The following MYSM1 variants were observed in gnomAD, a reference collection of about 807,000 sequenced individuals.
The protein encoded by MYSM1 is Myb like, SWIRM and MPN domains 1.
A neutral mutation model predicts 116.0 loss-of-function variants in MYSM1; 51 were observed. That is an observed-to-expected ratio of 0.44 (90% CI 0.35 to 0.56). The LOEUF is 0.56. Among genes scored for constraint, MYSM1 ranks in the 20% least tolerant of loss-of-function variants. The probability of loss-of-function intolerance (pLI) is 0.00; values close to 1 mark genes in which losing one functional copy is unlikely to be tolerated. For missense variants in MYSM1, 900 were observed against 974.9 expected, an observed-to-expected ratio of 0.92 and a Z score of 1.02; for synonymous variants, 313 against 315.2, an observed-to-expected ratio of 0.99 and a Z score of 0.07.
At chr1:58,678,600 T>C (rs1336830578) in intron 8 of MYSM1, among the ~76,000 whole-genome samples, 1 of 152,160 alleles carries the variant, frequency 6.6e-6, no homozygotes, top group Non-Finnish European at 1.5e-5. Context: ...TGCCCTCATG[T>C]TGCCTGCATT....
Position 58,675,485 on chromosome 1 carries a change from G to A in MYSM1, c.1486C>T (p.Gln496Ter), listed in dbSNP as rs2100629319. The A allele has an allele frequency of 6.2e-7, 1 of 1,609,236 alleles. No homozygotes were observed. Among genetic ancestry groups the A allele is most frequent in the Non-Finnish European group, 8.5e-7 (1 of 1,176,854 alleles). ...VEAYQLAQRL[Q>*]SMRTRRRRVR... ...GAGAGATGACTGCTTACCATAGACTGCAGACGCTGGGCAAGTTGGTATGCT... is the reference window on the plus strand; with the variant it reads ...GAGAGATGACTGCTTACCATAGACTACAGACGCTGGGCAAGTTGGTATGCT... The change falls in exon 10 of 20, where the codon CAG becomes TAG. Residue 496 changes from glutamine to a stop codon, truncating the protein, a stop_gained. Transcript: ENST00000472487. LOFTEE classifies it high-confidence loss of function.
chr1:58,697,373 C>T (rs1644990891), intron 1 of MYSM1, among the ~76,000 whole-genome samples: 1 of 152,068 alleles, frequency 6.6e-6, no homozygotes, highest in African/African-American at 2.4e-5. Flanking sequence ...GGGTTGGTAA[C>T]AGATTCGGGA....
Position 58,667,028 on chromosome 1 carries a change from C to T in MYSM1, c.2031+10G>A. 1.9e-6 allele frequency: 3 copies of T among 1,559,330 alleles called. No individual in the cohort carries two copies. Among genetic ancestry groups the T allele is most frequent in the East Asian group, 2.3e-5 (1 of 44,074 alleles). On this transcript the variant is annotated intron_variant, in intron 16 of 19. Coordinates refer to ENST00000472487, the MANE Select transcript of MYSM1 (RefSeq NM_001085487.3). ...CAACCATTTACAGAATATAAATATACATGTAATACCTGGTATTTAGCTTGT... is the reference window on the plus strand; with the variant it reads ...CAACCATTTACAGAATATAAATATATATGTAATACCTGGTATTTAGCTTGT...
At chr1:58,688,881 C>T (rs1021283327) in intron 6 of MYSM1, among the ~76,000 whole-genome samples, 157 bp downstream of exon 6, 2 of 152,118 alleles carry the variant, frequency 1.3e-5, no homozygotes, top group African/African-American at 4.8e-5. Flanking sequence ...TTGCACTACA[C>T]TATAAACATC....
intron 17 of MYSM1, among the ~76,000 whole-genome samples, chr1:58,663,105 G>A (rs1422060202): frequency 1.3e-5 from 2 of 152,062 alleles, no homozygotes; most frequent in African/African-American, 4.8e-5. Context: ...GACTGCCCAA[G>A]GTAAAATAAG....
At chr1:58,699,804 C>A in intron 1 of MYSM1, 181 bp downstream of exon 1, 1 of 985,434 alleles carries the variant, frequency 1.0e-6, no homozygotes, top group East Asian at 1.1e-4. Context: ...AGGTAACCGC[C>A]CTGCCCGCTG....
rs542797184 is a variant in MYSM1, at chr1:58,700,038, C to T, written c.15G>A (p.Glu5=). 3.3e-4 allele frequency: 528 copies of T among 1,613,820 alleles called. 8 individuals carry two copies. In the South Asian group the frequency reaches 5.2e-3, roughly 16 times the overall value. The change falls in exon 1 of 20, where the codon GAG becomes GAA. Residue 5 remains glutamate (E), a synonymous_variant. Coordinates refer to ENST00000472487, the MANE Select transcript of MYSM1 (RefSeq NM_001085487.3). ...CGTCCCCTTCGATATCCACATCCGC[C>T]TCTTCAGCCGCCATGATGGGACCTG... is the stretch of plus-strand genomic sequence containing the variant. MAAE[E]ADVDIEGDVV...
chr1:58,677,199 C>G, intron 8 of MYSM1, 143 bp from the exon 9 acceptor site: 1 of 546,460 alleles, frequency 1.8e-6, no homozygotes, highest in East Asian at 3.7e-5. Context: ...AATACTAATA[C>G]ATAATACCCA....
intron 6 of MYSM1, among the ~76,000 whole-genome samples, chr1:58,688,299 A>G (rs958437208): frequency 6.6e-6 from 1 of 151,736 alleles, no homozygotes; most frequent in Non-Finnish European, 1.5e-5. Flanking sequence ...TAAATTTTAT[A>G]TATACAAATA....
intron 1 of MYSM1, among the ~76,000 whole-genome samples, chr1:58,698,100 A>ATTTTTTTTTTTTTTTTTT (rs1446935480): frequency 2.0e-4 from 1 of 4,964 alleles, no homozygotes; most frequent in African/African-American, 3.4e-4. Flanking sequence ...ATATATATAT[A>ATTTTTTTTTTTTTTTTTT]TATTTTTTTT....
At position 58,688,941 on chromosome 1, in the gene MYSM1, G is replaced by A. The variant is rs1644866030; in HGVS notation, c.399+97C>T. 5 of 1,086,682 alleles carry A rather than the reference G, an allele frequency of 4.6e-6. No individual in the cohort carries two copies. In the East Asian group the frequency reaches 1.3e-4, roughly 29 times the overall value. 67.3% of individuals were successfully genotyped at this position (1,086,682 alleles called of 1,614,324 possible). On this transcript the variant is annotated intron_variant, in intron 6 of 19. Transcript: ENST00000472487. ...AAGGTGTTAAAACTGTAATTAAAAA[G>A]AAAATTCAGGTCTCTATAAATTAAT...
chr1:58,666,012 C>T (rs569221494), intron 16 of MYSM1, among the ~76,000 whole-genome samples: 4 of 152,008 alleles, frequency 2.6e-5, no homozygotes, highest in Middle Eastern at 3.4e-3. Context: ...AGTCGAGATC[C>T]CACCACTGCA....
rs979361769 is a variant in MYSM1 at position 58,682,820 on chromosome 1, C to T, written c.499-275G>A. On this transcript the variant is annotated intron_variant, in intron 7 of 19. Coordinates refer to ENST00000472487, the MANE Select transcript of MYSM1 (RefSeq NM_001085487.3). ...ATGCCATTCTCCTGCCTCAGCCTCCCGAATAGCTGGGACTACAGGCGCCTG... is the reference window on the plus strand; with the variant it reads ...ATGCCATTCTCCTGCCTCAGCCTCCTGAATAGCTGGGACTACAGGCGCCTG... 2.6e-5 allele frequency among the ~76,000 whole-genome samples: 4 copies of T among 151,912 alleles called. No homozygotes were observed. The East Asian group carries it at 5.8e-4, about 22-fold the overall frequency.
chr1:58,683,558 CA>C (rs1301234841), intron 7 of MYSM1, among the ~76,000 whole-genome samples: 1 of 151,840 alleles, frequency 6.6e-6, no homozygotes, highest in Non-Finnish European at 1.5e-5. Context: ...AATGTAACAA[CA>C]ACAAAAAAAG....
intron 1 of MYSM1, among the ~76,000 whole-genome samples, chr1:58,698,060 C>T (rs527980110): frequency 2.3e-5 from 3 of 128,100 alleles, no homozygotes; most frequent in South Asian, 2.5e-4. Context: ...GGAGCTCCAA[C>T]ACCACTGGAC....
intron 9 of MYSM1, 112 bp from the exon 10 acceptor site, chr1:58,675,692 C>T (rs961310396): frequency 8.1e-6 from 6 of 737,004 alleles, no homozygotes; most frequent in Middle Eastern, 3.7e-4. Context: ...TCTTATTTCA[C>T]GATCATACAT....
At chr1:58,678,939 C>T (rs1440726082) in intron 8 of MYSM1, among the ~76,000 whole-genome samples, 1 of 152,100 alleles carries the variant, frequency 6.6e-6, no homozygotes, top group East Asian at 1.9e-4. Context: ...GTTTTTTATC[C>T]TCTGTGAACC....
At chr1:58,694,868 C>T (rs147815572) in intron 2 of MYSM1, among the ~76,000 whole-genome samples, 265 of 152,136 alleles carry the variant, frequency 1.7e-3, no homozygotes, top group African/African-American at 6.2e-3. Flanking sequence ...CTGAAGTTCA[C>T]AAATTTGAGA....
chr1:58,680,514 T>C (rs4912370), intron 8 of MYSM1, among the ~76,000 whole-genome samples: 87,899 of 152,042 alleles, frequency 0.58, 25,609 homozygotes, highest in East Asian at 0.64. Flanking sequence ...ACCTCCACCA[T>C]CTGTAAGATA....
Sources: allele counts gnomAD v4.1 joint callset (sites outside exome capture counted in the v4.1 genomes callset), GRCh38; gene constraint gnomAD v4.1.1; transcripts MANE v1.5; gene names NCBI Gene and HGNC (gene_info 2026-07-23, HGNC 2026-07-21).